Variants in NUCKS1 observed in about 807,000 individuals in gnomAD.
NUCKS1 encodes the protein nuclear ubiquitous casein and cyclin-dependent kinase substrate 1.
In NUCKS1, 2 loss-of-function variants were observed where a neutral mutation model predicts 33.0. The observed-to-expected ratio is 0.06, with a 90% CI of 0.02 to 0.19. NUCKS1 has a LOEUF of 0.19. NUCKS1 is among the 10% of genes least tolerant of loss of function. The probability of loss-of-function intolerance (pLI) is 1.00; values close to 1 mark genes in which losing one functional copy is unlikely to be tolerated. For synonymous variants in NUCKS1, 106 were observed against 102.8 expected (o/e 1.03, Z -0.19); for missense variants, 201 against 293.6 (o/e 0.68, Z 2.31).
At chr1:205,746,159 G>C (rs1228025821) in intron 1 of NUCKS1, among the ~76,000 whole-genome samples, 25 of 152,088 alleles carry the variant, frequency 1.6e-4, no homozygotes, top group Admixed American at 1.5e-3. Flanking sequence ...AGCTGGGTGT[G>C]GTAGTGGGCA....
intron 1 of NUCKS1, among the ~76,000 whole-genome samples, chr1:205,746,013 C>T (rs570556430): frequency 4.6e-5 from 7 of 152,168 alleles, no homozygotes; most frequent in Admixed American, 2.6e-4. Flanking sequence ...AGTAACTTTC[C>T]GGCCGGGCGC....
intron 2 of NUCKS1, among the ~76,000 whole-genome samples, chr1:205,728,705 A>G (rs1653835272): frequency 6.6e-6 from 1 of 152,220 alleles, no homozygotes; most frequent in Admixed American, 6.5e-5. Flanking sequence ...AGAAAAAAGA[A>G]TAGTAAACAT....
At position 205,718,036 on chromosome 1, in the gene NUCKS1, C is replaced by T; in HGVS notation, c.*244G>A. Reference sequence around the variant, plus strand: ...GAAAGGGGAGGGCTGGCAAAGAGACCAATAGACAAAAAGGTAACTTAAACA... The same window carrying T: ...GAAAGGGGAGGGCTGGCAAAGAGACTAATAGACAAAAAGGTAACTTAAACA... On this transcript the variant is annotated 3_prime_UTR_variant, in exon 7 of 7. Transcript: ENST00000367142. 1 of 1,118,622 alleles carries T rather than the reference C, an allele frequency of 8.9e-7. No homozygotes were observed. Among genetic ancestry groups the T allele is most frequent in the Non-Finnish European group, 1.1e-6 (1 of 924,954 alleles). The allele number at this position is 1,118,622 out of a possible 1,614,324, so 69.3% of individuals were successfully genotyped here.
chr1:205,748,413 T>G (rs1654384468), intron 1 of NUCKS1, among the ~76,000 whole-genome samples: 1 of 152,256 alleles, frequency 6.6e-6, no homozygotes, highest in South Asian at 2.1e-4. Context: ...TTTATTTTAT[T>G]ATTTTACCTG....
At chr1:205,735,333 G>A (rs1031759583) in intron 1 of NUCKS1, among the ~76,000 whole-genome samples, 5 of 152,164 alleles carry the variant, frequency 3.3e-5, no homozygotes, top group African/African-American at 1.2e-4. Flanking sequence ...TAGTCTAGGA[G>A]CAATAGGCTA....
chr1:205,740,216 G>A (rs1654133504), intron 1 of NUCKS1, among the ~76,000 whole-genome samples: 1 of 151,060 alleles, frequency 6.6e-6, no homozygotes, highest in South Asian at 2.1e-4. Context: ...TGTTGGCCAG[G>A]CTGCCCTCAA....
At chr1:205,731,137 T>G (rs916917586) in intron 1 of NUCKS1, 1 of 152,208 alleles carries the variant, frequency 6.6e-6, no homozygotes, top group Non-Finnish European at 1.5e-5. Context: ...TATGAAAGCC[T>G]CACAGATTTA....
intron 1 of NUCKS1, among the ~76,000 whole-genome samples, chr1:205,732,928 CAG>C (rs1653950914): frequency 6.6e-6 from 1 of 151,598 alleles, no homozygotes; most frequent in African/African-American, 2.4e-5. Flanking sequence ...TCTGGCAAAA[CAG>C]TGATTTTTTA....
chr1:205,714,826 T>A lies in NUCKS1; in HGVS notation c.*3454A>T, dbSNP rs1054164731. 2.0e-5 allele frequency: 3 copies of A among 152,192 alleles called. No homozygotes were observed. The highest frequency in any genetic ancestry group is 2.1e-4 in the South Asian group (1 of 4,832). 9.4% of individuals were successfully genotyped at this position (152,192 alleles called of 1,614,324 possible). A position where few individuals can be genotyped will look rare whatever the true frequency, so the allele number is the denominator to read the frequency against. On this transcript the variant is annotated 3_prime_UTR_variant, in exon 7 of 7. Transcript: ENST00000367142. ...AGCCCAGGTTTCTTCCTTTTCAAAT[T>A]CTTAAGGTGAAAGTTTTTTCCTTTC...
At position 205,717,710 on chromosome 1, in the gene NUCKS1, G is replaced by A. The variant is rs1558048391; in HGVS notation, c.*570C>T. ...ATCTTTATCTCCTACCTGCCTCATC[G>A]GTGGAAGTTTAAAGTCATGATTTTT... is the stretch of plus-strand genomic sequence containing the variant. On this transcript the variant is annotated 3_prime_UTR_variant, in exon 7 of 7. Transcript: ENST00000367142. 4 of 985,066 alleles carry A rather than the reference G, an allele frequency of 4.1e-6. No individual in the cohort carries two copies. Among genetic ancestry groups the A allele is most frequent in the Middle Eastern group, 1.0e-3 (2 of 1,914 alleles). The allele number at this position is 985,066 out of a possible 1,614,324, so 61.0% of individuals were successfully genotyped here. A position where few individuals can be genotyped will look rare whatever the true frequency, so the allele number is the denominator to read the frequency against.
chr1:205,717,987 T>C lies in NUCKS1; in HGVS notation c.*293A>G, dbSNP rs1671854060. The C allele has an allele frequency of 4.7e-6, 5 of 1,059,750 alleles. No individual in the cohort carries two copies. In the Admixed American group the frequency reaches 2.5e-4, roughly 53 times the overall value. The allele number at this position is 1,059,750 out of a possible 1,614,324, so 65.6% of individuals were successfully genotyped here. A position where few individuals can be genotyped will look rare whatever the true frequency, so the allele number is the denominator to read the frequency against. ...AAAGATGAAGCAGTCAATCCAGTGATTAATTTGACATGGCTTTCATTGGGA... is the reference window on the plus strand; with the variant it reads ...AAAGATGAAGCAGTCAATCCAGTGACTAATTTGACATGGCTTTCATTGGGA... On this transcript the variant is annotated 3_prime_UTR_variant, in exon 7 of 7. Transcript: ENST00000367142.
intron 1 of NUCKS1, among the ~76,000 whole-genome samples, chr1:205,741,413 G>T (rs906813739): frequency 7.2e-5 from 11 of 151,944 alleles, no homozygotes; most frequent in Non-Finnish European, 1.6e-4. Context: ...ATTTTTCCCA[G>T]TGGAAGTTTA....
intron 3 of NUCKS1, among the ~76,000 whole-genome samples, chr1:205,724,644 G>A (rs1653676239): frequency 6.6e-6 from 1 of 151,992 alleles, no homozygotes; most frequent in Non-Finnish European, 1.5e-5. Context: ...CAGTGAGCTA[G>A]GATTGCACCG....
chr1:205,739,153 G>T (rs1442012190), intron 1 of NUCKS1, among the ~76,000 whole-genome samples: 2 of 152,126 alleles, frequency 1.3e-5, no homozygotes, highest in Non-Finnish European at 2.9e-5. Context: ...TGCTCAAAAG[G>T]CCAAGTAACT....
intron 1 of NUCKS1, among the ~76,000 whole-genome samples, chr1:205,731,785 G>A (rs955221001): frequency 4.6e-5 from 7 of 151,936 alleles, no homozygotes; most frequent in Middle Eastern, 3.2e-3. Context: ...CCAGCTACTC[G>A]GGAGGCTGAG....
intron 4 of NUCKS1, among the ~76,000 whole-genome samples, chr1:205,721,472 C>T (rs552369778): frequency 2.6e-5 from 4 of 152,246 alleles, no homozygotes; most frequent in African/African-American, 9.6e-5. Flanking sequence ...CTCTACAATT[C>T]TCAATTACAT....
rs1322422128 is a variant in NUCKS1 at position 205,713,833 on chromosome 1, T to C, written c.*4447A>G. The stretch of plus-strand genomic sequence containing the variant: ...GTTAATACAGTGAAGCAGGTTCCTG[T>C]CTTTTACCCTTCCTGCTCAGAACAT... On this transcript the variant is annotated 3_prime_UTR_variant, in exon 7 of 7. Coordinates refer to ENST00000367142, the MANE Select transcript of NUCKS1 (RefSeq NM_022731.5). 1 of 152,150 alleles carries C rather than the reference T, an allele frequency of 6.6e-6. No homozygotes were observed. 9.4% of individuals were successfully genotyped at this position (152,150 alleles called of 1,614,324 possible). A position where few individuals can be genotyped will look rare whatever the true frequency, so the allele number is the denominator to read the frequency against.
intron 5 of NUCKS1, 55 bp downstream of exon 5, chr1:205,720,446 T>G: frequency 1.3e-6 from 2 of 1,567,914 alleles, no homozygotes; most frequent in South Asian, 2.4e-5. Context: ...GTAACCAAGG[T>G]CACAAACTAC....
intron 1 of NUCKS1, among the ~76,000 whole-genome samples, chr1:205,736,092 C>T (rs549937415): frequency 7.8e-4 from 118 of 152,196 alleles, no homozygotes; most frequent in Admixed American, 1.8e-3. Context: ...GTTGAGATTA[C>T]AGGTGTGTGT....
Sources: allele counts gnomAD v4.1 joint callset (sites outside exome capture counted in the v4.1 genomes callset), GRCh38; gene constraint gnomAD v4.1.1; transcripts MANE v1.5; gene names NCBI Gene and HGNC (gene_info 2026-07-23, HGNC 2026-07-21).